ARSK: variants seen among roughly 807,000 people sequenced by gnomAD.
ARSK encodes arylsulfatase family member K.
Under a neutral mutation model 53.2 loss-of-function variants are expected in ARSK, and 37 were observed. That is an observed-to-expected ratio of 0.70 (90% CI 0.54 to 0.92). The LOEUF (loss-of-function observed/expected upper bound fraction) is 0.92. Ranked by LOEUF, ARSK falls within the 40% of genes least tolerant of loss-of-function variation. The probability of loss-of-function intolerance (pLI) is 0.00; values close to 1 mark genes in which losing one functional copy is unlikely to be tolerated. For synonymous variants in ARSK, 208 were observed against 223.2 expected (o/e 0.93, Z 0.61); for missense variants, 613 against 643.0 (o/e 0.95, Z 0.51).
chr5:95,585,390 T>C (rs779816006), intron 4 of ARSK, among the ~76,000 whole-genome samples: 2 of 152,196 alleles, frequency 1.3e-5, no homozygotes, highest in African/African-American at 2.4e-5. Flanking sequence ...AGCAGCACAA[T>C]TCACAATTGC....
chr5:95,566,650 A>G lies in ARSK; in HGVS notation c.256+523A>G, dbSNP rs1748731308. Among the ~76,000 whole-genome samples the G allele has an allele frequency of 2.0e-5, 3 of 152,358 alleles. No individual in the cohort carries two copies. The South Asian group carries it at 6.2e-4, about 32-fold the overall frequency. ...TTGTTCACTTTTATTATAATAATTT[A>G]ACAAATAGGCATAGTTTTATTGGCA... On this transcript the variant is annotated intron_variant, in intron 2 of 7. Transcript: ENST00000380009.
At chr5:95,583,596 G>A (rs1304561159) in intron 4 of ARSK, among the ~76,000 whole-genome samples, 1 of 151,842 alleles carries the variant, frequency 6.6e-6, no homozygotes, top group Non-Finnish European at 1.5e-5. Context: ...AAAATATTTT[G>A]AATTATGTTA....
At chr5:95,577,844 T>A (rs1327245035) in intron 3 of ARSK, among the ~76,000 whole-genome samples, 4 of 152,122 alleles carry the variant, frequency 2.6e-5, no homozygotes, top group African/African-American at 9.7e-5. Flanking sequence ...TAGAGAAAAA[T>A]CTGTGATTTT....
chr5:95,568,546 C>T (rs1203606524), intron 3 of ARSK, among the ~76,000 whole-genome samples: 7 of 152,134 alleles, frequency 4.6e-5, no homozygotes, highest in Non-Finnish European at 8.8e-5. Flanking sequence ...CTGTTTACTA[C>T]TAGCATTGTA....
Position 95,568,131 on chromosome 5 carries a change from T to A in ARSK, c.416+82T>A, listed in dbSNP as rs1748761254. 7 of 1,390,944 alleles carry A rather than the reference T, an allele frequency of 5.0e-6. No homozygotes were observed. In the Admixed American group the frequency reaches 9.9e-5, roughly 20 times the overall value. The allele number at this position is 1,390,944 out of a possible 1,614,324, so 86.2% of individuals were successfully genotyped here. ...GTACTCTTTTTGACTTTAATTTTTT[T>A]ATTTTTCCACAAAGGTGAAAGTAAA... On this transcript the variant is annotated intron_variant, in intron 3 of 7. Transcript: ENST00000380009.
intron 1 of ARSK, among the ~76,000 whole-genome samples, chr5:95,557,441 C>CAT (rs1420474460): frequency 6.6e-6 from 1 of 152,160 alleles, no homozygotes; most frequent in African/African-American, 2.4e-5. Context: ...GGTCTAAATG[C>CAT]ATTAATGCAA....
At chr5:95,579,964 C>T (rs1748994253) in intron 3 of ARSK, among the ~76,000 whole-genome samples, 1 of 152,096 alleles carries the variant, frequency 6.6e-6, no homozygotes, top group African/African-American at 2.4e-5. Flanking sequence ...ACTGTTATTA[C>T]GACAATAGTT....
chr5:95,603,364 T>C lies in ARSK; in HGVS notation c.1449T>C (p.Tyr483=). The C allele has an allele frequency of 6.2e-7, 1 of 1,613,558 alleles. No homozygotes were observed. Among genetic ancestry groups the C allele is most frequent in the South Asian group, 1.1e-5 (1 of 90,984 alleles). ...YPKVSASVHQ[Y]NKEQFIKWKQ... is the part of the protein sequence containing the mutation. ...AAGTTTCTGCTTCTGTCCACCAGTATAATAAAGAGCAGTTTATCAAGTGGA... is the reference window on the plus strand; with the variant it reads ...AAGTTTCTGCTTCTGTCCACCAGTACAATAAAGAGCAGTTTATCAAGTGGA... The change falls in exon 8 of 8, where the codon TAT becomes TAC. Residue 483 remains tyrosine (Y), a synonymous_variant. Transcript: ENST00000380009.
chr5:95,566,177 T>G, intron 2 of ARSK, 50 bp downstream of exon 2: 1 of 1,588,492 alleles, frequency 6.3e-7, no homozygotes, highest in Non-Finnish European at 8.6e-7. Context: ...ACACTGAAAA[T>G]ATATTCACAG....
At chr5:95,582,831 C>T in intron 3 of ARSK, 85 bp from the exon 4 acceptor site, 2 of 1,296,940 alleles carry the variant, frequency 1.5e-6, no homozygotes, top group South Asian at 2.2e-5. Flanking sequence ...AATTGTTTTC[C>T]ATGTTGTTTT....
rs79887720 is a variant in ARSK, at chr5:95,561,105, G to A, written c.127-4893G>A. Among the ~76,000 whole-genome samples the A allele has an allele frequency of 7.8e-4, 119 of 152,204 alleles. 2 individuals are homozygous for A. In the East Asian group the frequency reaches 0.017, roughly 22 times the overall value. On this transcript the variant is annotated intron_variant, in intron 1 of 7. Coordinates refer to ENST00000380009, the MANE Select transcript of ARSK (RefSeq NM_198150.3). ...ATTACCGGCATGAACCACCATGCCCGGCCAAAAGATCTTAATAGACATTTC... is the reference window on the plus strand; with the variant it reads ...ATTACCGGCATGAACCACCATGCCCAGCCAAAAGATCTTAATAGACATTTC...
chr5:95,582,780 C>A, intron 3 of ARSK, 136 bp from the exon 4 acceptor site: 1 of 804,608 alleles, frequency 1.2e-6, no homozygotes, highest in Non-Finnish European at 1.8e-6. Flanking sequence ...TTTTTGAGAT[C>A]TAATATAGTT....
At chr5:95,601,442 G>T (rs146068704) in intron 7 of ARSK, among the ~76,000 whole-genome samples, 26 of 152,256 alleles carry the variant, frequency 1.7e-4, no homozygotes, top group Non-Finnish European at 2.9e-4. Context: ...ATTATTTAAT[G>T]TTCACCACAA....
chr5:95,578,063 T>C (rs543744335), intron 3 of ARSK, among the ~76,000 whole-genome samples: 2 of 152,322 alleles, frequency 1.3e-5, no homozygotes, highest in South Asian at 2.1e-4. Flanking sequence ...TAAAACAGAC[T>C]GTTTTTGGGA....
At chr5:95,598,223 A>G (rs1749345529) in intron 6 of ARSK, among the ~76,000 whole-genome samples, 1 of 152,174 alleles carries the variant, frequency 6.6e-6, no homozygotes, top group African/African-American at 2.4e-5. Flanking sequence ...GTCTGTGCTT[A>G]TACTCCCATG....
intron 5 of ARSK, among the ~76,000 whole-genome samples, chr5:95,591,040 G>C (rs1427966011): frequency 3.3e-5 from 5 of 152,138 alleles, no homozygotes; most frequent in Non-Finnish European, 5.9e-5. Context: ...TATCATCTGA[G>C]ACATGTAAAG....
At chr5:95,572,180 G>A (rs901378041) in intron 3 of ARSK, among the ~76,000 whole-genome samples, 1 of 152,064 alleles carries the variant, frequency 6.6e-6, no homozygotes, top group Non-Finnish European at 1.5e-5. Context: ...TACTAGGATC[G>A]CTATGGGCTG....
chr5:95,559,536 GT>G (rs1157624274), intron 1 of ARSK, among the ~76,000 whole-genome samples: 3 of 152,186 alleles, frequency 2.0e-5, no homozygotes, highest in Non-Finnish European at 4.4e-5. Flanking sequence ...AGTGGAATTT[GT>G]CCCCAAAATG....
chr5:95,604,216 T>G lies in ARSK; in HGVS notation c.*690T>G, dbSNP rs1749462447. ...CTTGTATTTGATGGGATTGTTTGGA[T>G]GTATTTAATGGGAGTATTTGGAGTA... is the stretch of plus-strand genomic sequence containing the variant. On this transcript the variant is annotated 3_prime_UTR_variant, in exon 8 of 8. Transcript: ENST00000380009. The G allele has an allele frequency of 6.6e-6, 1 of 152,240 alleles. No homozygotes were observed. The highest frequency in any genetic ancestry group is 1.5e-5 in the Non-Finnish European group (1 of 68,028). The allele number at this position is 152,240 out of a possible 1,614,324, so 9.4% of individuals were successfully genotyped here. A position where few individuals can be genotyped will look rare whatever the true frequency, so the allele number is the denominator to read the frequency against.
Sources: allele counts gnomAD v4.1 joint callset (sites outside exome capture counted in the v4.1 genomes callset), GRCh38; gene constraint gnomAD v4.1.1; transcripts MANE v1.5; gene names NCBI Gene and HGNC (gene_info 2026-07-23, HGNC 2026-07-21).